The following GABBR2 variants were observed in gnomAD, a reference collection of about 807,000 sequenced individuals.
GABBR2 encodes the protein gamma-aminobutyric acid type B receptor subunit 2, also known as G-protein coupled receptor 51.
A neutral mutation model predicts 105.6 loss-of-function variants in GABBR2; 23 were observed. That is an observed-to-expected ratio of 0.22 (90% CI 0.16 to 0.31). The LOEUF is 0.31. Among genes scored for constraint, GABBR2 ranks in the 10% least tolerant of loss-of-function variants. The probability of loss-of-function intolerance (pLI) is 1.00; values close to 1 mark genes in which losing one functional copy is unlikely to be tolerated. For missense variants in GABBR2, 734 were observed against 1,245.5 expected, an observed-to-expected ratio of 0.59 and a Z score of 6.18; for synonymous variants, 478 against 499.7, an observed-to-expected ratio of 0.96 and a Z score of 0.58.
In GABBR2 at chr9:98,657,686, C is replaced by T. The variant is rs150258862; in HGVS notation, c.321+50731G>A. ...ACTGGGTTTCCACCCAAAATCTCGT[C>T]TTGAATTATCATCCCCCAAATCTGC... is the stretch of plus-strand genomic sequence containing the variant. On this transcript the variant is annotated intron_variant, in intron 1 of 18. Transcript: ENST00000259455. Among the ~76,000 whole-genome samples the T allele has an allele frequency of 1.2e-3, 176 of 152,386 alleles. 3 individuals carry two copies. Among genetic ancestry groups the T allele is most frequent in the Admixed American group, 9.6e-3 (147 of 15,308 alleles).
intron 7 of GABBR2, among the ~76,000 whole-genome samples, chr9:98,429,698 A>G (rs1825763725): frequency 6.6e-6 from 1 of 152,100 alleles, no homozygotes; most frequent in Non-Finnish European, 1.5e-5. Context: ...CAAGCCATTC[A>G]CTCAGTGTCT....
At chr9:98,347,007 T>C (rs1373404035) in intron 13 of GABBR2, among the ~76,000 whole-genome samples, 1 of 152,220 alleles carries the variant, frequency 6.6e-6, no homozygotes, top group East Asian at 1.9e-4. Context: ...GTTGATTCCA[T>C]ATCTTAGGAA....
intron 3 of GABBR2, among the ~76,000 whole-genome samples, chr9:98,536,473 G>T (rs765037398): frequency 6.6e-6 from 1 of 152,100 alleles, no homozygotes; most frequent in Non-Finnish European, 1.5e-5. Context: ...TGAAAAGGGG[G>T]AGAGACCCAA....
chr9:98,302,358 A>G (rs994072726), intron 16 of GABBR2, among the ~76,000 whole-genome samples: 1 of 152,204 alleles, frequency 6.6e-6, no homozygotes, highest in African/African-American at 2.4e-5. Flanking sequence ...CTCTCCCGCT[A>G]TGAATGAAGA....
At chr9:98,484,920 C>T (rs1039179321) in intron 4 of GABBR2, among the ~76,000 whole-genome samples, 9 of 152,166 alleles carry the variant, frequency 5.9e-5, no homozygotes, top group African/African-American at 2.2e-4. Context: ...TTCAGACAAG[C>T]CCCCTGCCTC....
chr9:98,394,306 T>A, intron 8 of GABBR2, 51 bp from the exon 9 acceptor site: 1 of 1,308,074 alleles, frequency 7.6e-7, no homozygotes, highest in Non-Finnish European at 1.1e-6. Flanking sequence ...TGGGTTTGTG[T>A]CTGGGTGCTC....
intron 13 of GABBR2, among the ~76,000 whole-genome samples, chr9:98,342,552 C>G (rs374296233): frequency 6.6e-6 from 1 of 152,176 alleles, no homozygotes; most frequent in African/African-American, 2.4e-5. Flanking sequence ...ATGGAGGCAG[C>G]CCATGGGTAA....
intron 10 of GABBR2, among the ~76,000 whole-genome samples, chr9:98,386,407 AAGAC>A (rs1012121681): frequency 6.6e-6 from 1 of 152,084 alleles, no homozygotes; most frequent in Non-Finnish European, 1.5e-5. Flanking sequence ...TCCGTGCACA[AAGAC>A]AGCCACACAT....
chr9:98,535,316 G>A (rs528512476), intron 3 of GABBR2, among the ~76,000 whole-genome samples: 1 of 152,084 alleles, frequency 6.6e-6, no homozygotes, highest in South Asian at 2.1e-4. Flanking sequence ...GGCCAGGCTG[G>A]TCTCGAACTC....
intron 1 of GABBR2, among the ~76,000 whole-genome samples, chr9:98,593,299 G>A (rs757197796): frequency 5.9e-5 from 9 of 152,130 alleles, no homozygotes; most frequent in Admixed American, 3.9e-4. Flanking sequence ...AGAGTGCTTC[G>A]ACCTGATCAT....
chr9:98,585,571 A>G (rs891822290), intron 1 of GABBR2, among the ~76,000 whole-genome samples: 18 of 151,760 alleles, frequency 1.2e-4, no homozygotes, highest in Non-Finnish European at 1.9e-4. Context: ...CAGCACACCA[A>G]CATGGCACAC....
In GABBR2 at chr9:98,306,529, G is replaced by A; in HGVS notation, c.2005-184C>T. ...ATCTGTCCCCACTTGTGGCCCTGCT[G>A]AGTCCTGCTGAGCAAATGCAGACTG... On this transcript the variant is annotated intron_variant, in intron 14 of 18. Transcript: ENST00000259455. This position sits in a 1 kb window ranked among gnomAD's most constrained non-coding sequence, Gnocchi z 5.4. 3.3e-6 allele frequency: 2 copies of A among 613,382 alleles called. No individual in the cohort carries two copies. Among genetic ancestry groups the A allele is most frequent in the South Asian group, 3.8e-5 (2 of 52,570 alleles). 38.0% of individuals were successfully genotyped at this position (613,382 alleles called of 1,614,324 possible).
rs192087445 is a variant in GABBR2, at chr9:98,607,059, A to G, written c.322-28987T>C. 152 of 1,438,438 alleles carry G rather than the reference A, an allele frequency of 1.1e-4. 2 individuals carry two copies. The highest frequency in any genetic ancestry group is 4.4e-4 in the Middle Eastern group (2 of 4,526). 89.1% of individuals were successfully genotyped at this position (1,438,438 alleles called of 1,614,324 possible). A position where few individuals can be genotyped will look rare whatever the true frequency, so the allele number is the denominator to read the frequency against. ...TGCCAATCTCCCAAACCAAGTATAC[A>G]GAAAATCAGTTAAGAGATCTGGTTT... On this transcript the variant is annotated intron_variant, in intron 1 of 18. Transcript: ENST00000259455.
At chr9:98,331,949 G>A (rs1831034437) in intron 13 of GABBR2, among the ~76,000 whole-genome samples, 1 of 152,238 alleles carries the variant, frequency 6.6e-6, no homozygotes, top group South Asian at 2.1e-4. Context: ...AGGTAGCAAA[G>A]AGCCTTGATC....
At position 98,388,716 on chromosome 9, in the gene GABBR2, A is replaced by G; in HGVS notation, c.1529+138T>C. 1 of 618,952 alleles carries G rather than the reference A, an allele frequency of 1.6e-6. No homozygotes were observed. The highest frequency in any genetic ancestry group is 2.8e-6 in the Non-Finnish European group (1 of 358,212). 38.3% of individuals were successfully genotyped at this position (618,952 alleles called of 1,614,324 possible). A position where few individuals can be genotyped will look rare whatever the true frequency, so the allele number is the denominator to read the frequency against. ...ATGTAACACCTACAACATCCTAGCA[A>G]CGGAGGAACACTTTGGGAAACTCTG... On this transcript the variant is annotated intron_variant, in intron 10 of 18. Transcript: ENST00000259455. This position sits in a 1 kb window ranked among gnomAD's most constrained non-coding sequence, Gnocchi z 4.4.
In GABBR2 at chr9:98,494,846, A is replaced by G. The variant is rs534560549; in HGVS notation, c.732+1567T>C. 8.5e-5 allele frequency among the ~76,000 whole-genome samples: 13 copies of G among 152,352 alleles called. No homozygotes were observed. The East Asian group carries it at 2.1e-3, about 25-fold the overall frequency. ...GGGTAGAGAGTCCAGTTCCATCTCC[A>G]GTTGCTCTGCTCTGCACACAAAGGT... On this transcript the variant is annotated intron_variant, in intron 4 of 18. Transcript: ENST00000259455.
chr9:98,631,031 T>C (rs1039655558), intron 1 of GABBR2, among the ~76,000 whole-genome samples: 1 of 152,196 alleles, frequency 6.6e-6, no homozygotes, highest in Non-Finnish European at 1.5e-5. Flanking sequence ...GAATTTCTAC[T>C]GCATAGCGCT....
At chr9:98,466,487 C>T (rs1181195674) in intron 6 of GABBR2, among the ~76,000 whole-genome samples, 8 of 152,230 alleles carry the variant, frequency 5.3e-5, no homozygotes. Flanking sequence ...CATTGCTCCT[C>T]ATCTCACATG....
rs1222181116 is a variant in GABBR2, at chr9:98,703,770, A to C, written c.321+4647T>G. Among the ~76,000 whole-genome samples the C allele has an allele frequency of 2.6e-5, 4 of 152,096 alleles. No individual in the cohort carries two copies. The South Asian group carries it at 8.3e-4, about 32-fold the overall frequency. ...AGCACCCCCAAAATGCTGAGATTAC[A>C]GGCATGAGCCACCACACTCAGTCTA... On this transcript the variant is annotated intron_variant, in intron 1 of 18. Coordinates refer to ENST00000259455, the MANE Select transcript of GABBR2 (RefSeq NM_005458.8).
Sources: allele counts gnomAD v4.1 joint callset (sites outside exome capture counted in the v4.1 genomes callset), GRCh38; gene constraint gnomAD v4.1.1; non-coding constraint Gnocchi (gnomAD v3.1); transcripts MANE v1.5; gene names NCBI Gene and HGNC (gene_info 2026-07-23, HGNC 2026-07-21).